The following MYCBP2 variants were observed in gnomAD, a reference collection of about 807,000 sequenced individuals.
MYCBP2 encodes MYC binding protein 2.
A neutral mutation model predicts 525.3 loss-of-function variants in MYCBP2; 120 were observed. The ratio of observed to expected loss-of-function variants is 0.23; its 90% CI spans 0.20 to 0.27. The LOEUF is 0.27. Among genes scored for constraint, MYCBP2 ranks in the 10% least tolerant of loss-of-function variants. MYCBP2 has a pLI of 1.00. For synonymous variants in MYCBP2, 1,894 were observed against 1,955.8 expected, an observed-to-expected ratio of 0.97 and a Z score of 0.83; for missense variants, 4,149 against 5,657.1, an observed-to-expected ratio of 0.73 and a Z score of 8.55.
chr13:77,193,612 A>T (rs1261559350), intron 27 of MYCBP2, among the ~76,000 whole-genome samples: 2 of 152,168 alleles, frequency 1.3e-5, no homozygotes, highest in Non-Finnish European at 2.9e-5. Flanking sequence ...GATAAAGTGT[A>T]AGTATCCTCT....
At chr13:77,150,443 G>A (rs7989377) in intron 47 of MYCBP2, among the ~76,000 whole-genome samples, 110,118 of 151,998 alleles carry the variant, frequency 0.72, 41,265 homozygotes, top group Middle Eastern at 0.84. Flanking sequence ...TTCCTGGTCA[G>A]AAGTAGACAA....
chr13:77,282,006 A>G (rs1226558424), intron 3 of MYCBP2, among the ~76,000 whole-genome samples: 5 of 152,222 alleles, frequency 3.3e-5, no homozygotes, highest in Non-Finnish European at 4.4e-5. Context: ...AATATTTGGT[A>G]CAGAGATAAT....
At chr13:77,130,903 T>G (rs2052670725) in intron 52 of MYCBP2, among the ~76,000 whole-genome samples, 1 of 152,218 alleles carries the variant, frequency 6.6e-6, no homozygotes. Flanking sequence ...GATGACTGGT[T>G]GACAATATTT....
At position 77,263,598 on chromosome 13, in the gene MYCBP2, T is replaced by C; in HGVS notation, c.1570+53A>G. ...AAAACACAATGTTCATTTTTAAGAGTATGAAAAATTGAAAATTAAAATATA... is the reference window on the plus strand; with the variant it reads ...AAAACACAATGTTCATTTTTAAGAGCATGAAAAATTGAAAATTAAAATATA... On this transcript the variant is annotated intron_variant, in intron 10 of 82. Transcript: ENST00000544440. 2.0e-6 allele frequency: 3 copies of C among 1,472,396 alleles called. No homozygotes were observed. In the South Asian group the frequency reaches 3.6e-5, roughly 18 times the overall value. The allele number at this position is 1,472,396 out of a possible 1,614,324, so 91.2% of individuals were successfully genotyped here. A position where few individuals can be genotyped will look rare whatever the true frequency, so the allele number is the denominator to read the frequency against.
rs191900764 is a variant in MYCBP2 at position 77,045,104 on chromosome 13, A to G, written c.*274T>C. ...TATATCAATTATCTATAAATGTCCA[A>G]TGCTTCACAGGCCAATGACGGTAAT... On this transcript the variant is annotated 3_prime_UTR_variant, in exon 83 of 83. Transcript: ENST00000544440. 24 of 431,346 alleles carry G rather than the reference A, an allele frequency of 5.6e-5. No individual in the cohort carries two copies. The highest frequency in any genetic ancestry group is 3.3e-5 in the East Asian group (1 of 29,956). 26.7% of individuals were successfully genotyped at this position (431,346 alleles called of 1,614,324 possible). A position where few individuals can be genotyped will look rare whatever the true frequency, so the allele number is the denominator to read the frequency against.
Position 77,165,319 on chromosome 13 carries a change from A to T in MYCBP2, c.6413T>A (p.Phe2138Tyr), listed in dbSNP as rs1018784095. The stretch of plus-strand genomic sequence containing the variant: ...TTCATATCCAATTGCAAAACACTTA[A>T]AACCATAGAAAGAAGCTTTGTCATC... ...VKDDKASFYG[F>Y]KCFAIGYEFS... The change falls in exon 42 of 83, where the codon TTT becomes TAT. Residue 2138 changes from phenylalanine (F) to tyrosine (Y), a missense_variant. Physicochemically the swap from Phe to Tyr is conservative, Grantham distance 22. Around this residue, in one of 21 missense-constraint regions of MYCBP2, gnomAD observed 692 missense variants for 852.7 expected, o/e 0.81. Coordinates refer to ENST00000544440, the MANE Select transcript of MYCBP2 (RefSeq NM_015057.5). 9 of 1,612,998 alleles carry T rather than the reference A, an allele frequency of 5.6e-6. No homozygotes were observed. The highest frequency in any genetic ancestry group is 5.1e-6 in the Non-Finnish European group (6 of 1,179,586).
intron 46 of MYCBP2, among the ~76,000 whole-genome samples, chr13:77,154,458 C>G (rs2056964110): frequency 6.6e-6 from 1 of 150,572 alleles, no homozygotes; most frequent in African/African-American, 2.4e-5. Context: ...AAAAAGAACT[C>G]TAAGATGAAA....
chr13:77,287,343 C>G (rs1415936354), intron 3 of MYCBP2, among the ~76,000 whole-genome samples: 1 of 151,488 alleles, frequency 6.6e-6, no homozygotes, highest in Non-Finnish European at 1.5e-5. Context: ...TGCCACAATG[C>G]CGGGCTAATT....
At chr13:77,240,949 C>T (rs2068726442) in intron 17 of MYCBP2, among the ~76,000 whole-genome samples, 1 of 152,154 alleles carries the variant, frequency 6.6e-6, no homozygotes. Flanking sequence ...TTTATGTACA[C>T]CAATAATCTG....
In MYCBP2 at chr13:77,177,813, C is replaced by A; in HGVS notation, c.5275G>T (p.Val1759Phe). 1 of 1,614,064 alleles carries A rather than the reference C, an allele frequency of 6.2e-7. No individual in the cohort carries two copies. Among genetic ancestry groups the A allele is most frequent in the Non-Finnish European group, 8.5e-7 (1 of 1,179,954 alleles). ...FSVDKPGIVV[V>F]GFSVYGGGGI... Reference sequence around the variant, plus strand: ...CCTCCTCCATAGACAGAGAAACCAACCACAACTATTCCAGGTTTGTCTACT... The same window carrying A: ...CCTCCTCCATAGACAGAGAAACCAAACACAACTATTCCAGGTTTGTCTACT... Residue 1759 changes from valine to phenylalanine, a missense_variant, in exon 35 of 83, where the codon GTT becomes TTT. Val to Phe is a conservative substitution (Grantham distance 50). Transcript: ENST00000544440.
chr13:77,057,110 A>G lies in MYCBP2; in HGVS notation c.13330-17T>C. Reference sequence around the variant, plus strand: ...ACAATCCAGCTTAAATAAACAAAAGAAAAGGACATAAGCAAATATAATAAT... The same window carrying G: ...ACAATCCAGCTTAAATAAACAAAAGGAAAGGACATAAGCAAATATAATAAT... On this transcript the variant is annotated splice_polypyrimidine_tract_variant and intron_variant, in intron 78 of 82. Transcript: ENST00000544440. 6.5e-7 allele frequency: 1 copy of G among 1,534,800 alleles called. No individual in the cohort carries two copies.
intron 52 of MYCBP2, among the ~76,000 whole-genome samples, chr13:77,128,287 T>A (rs1247997382): frequency 2.0e-5 from 3 of 151,882 alleles, no homozygotes; most frequent in African/African-American, 7.2e-5. Context: ...CATTTCATAG[T>A]TGGAAGGGGC....
At chr13:77,282,228 T>C (rs1189137548) in intron 3 of MYCBP2, among the ~76,000 whole-genome samples, 1 of 152,090 alleles carries the variant, frequency 6.6e-6, no homozygotes, top group African/African-American at 2.4e-5. Context: ...CTAGCCAACA[T>C]GGTGAAACCC....
At chr13:77,106,185 T>A (rs1250800898) in intron 55 of MYCBP2, among the ~76,000 whole-genome samples, 1 of 152,164 alleles carries the variant, frequency 6.6e-6, no homozygotes, top group Non-Finnish European at 1.5e-5. Context: ...TTTTGGGATT[T>A]TAAAAGTAGC....
chr13:77,066,966 T>A (rs568429429), intron 71 of MYCBP2, among the ~76,000 whole-genome samples: 3 of 152,212 alleles, frequency 2.0e-5, no homozygotes, highest in Non-Finnish European at 4.4e-5. Context: ...GTCATACTTC[T>A]ATATTATGCT....
At chr13:77,064,818 A>G (rs1204257603) in intron 72 of MYCBP2, 84 bp from the exon 73 acceptor site, 1 of 1,263,534 alleles carries the variant, frequency 7.9e-7, no homozygotes, top group Non-Finnish European at 1.1e-6. Context: ...AACATCTCCT[A>G]TCAAAGGAAA....
At chr13:77,116,572 G>A (rs2049816963) in intron 55 of MYCBP2, among the ~76,000 whole-genome samples, 1 of 151,932 alleles carries the variant, frequency 6.6e-6, no homozygotes, top group African/African-American at 2.4e-5. Context: ...GTCCTGTTGC[G>A]AATAAGAAGT....
chr13:77,274,473 T>C (rs759754606), intron 4 of MYCBP2, among the ~76,000 whole-genome samples: 4 of 151,614 alleles, frequency 2.6e-5, no homozygotes, highest in African/African-American at 4.9e-5. Context: ...CTGAGAAACA[T>C]GAAGAGAGGG....
intron 38 of MYCBP2, 106 bp downstream of exon 38, chr13:77,171,386 G>A (rs939563221): frequency 8.7e-7 from 1 of 1,147,778 alleles, no homozygotes; most frequent in Non-Finnish European, 1.2e-6. Context: ...ATAACACTTA[G>A]ATTCTATAAA....
Sources: allele counts gnomAD v4.1 joint callset (sites outside exome capture counted in the v4.1 genomes callset), GRCh38; gene constraint gnomAD v4.1.1; regional missense constraint gnomAD v4.1.1; transcripts MANE v1.5; gene names NCBI Gene and HGNC (gene_info 2026-07-23, HGNC 2026-07-21).